IL1RAPL2: variants seen among roughly 807,000 people sequenced by gnomAD.
The protein encoded by IL1RAPL2 is X-linked interleukin-1 receptor accessory protein-like 2.
Under a neutral mutation model 44.1 loss-of-function variants are expected in IL1RAPL2, and 3 were observed. That is an observed-to-expected ratio of 0.07 (90% CI 0.03 to 0.18). The LOEUF is 0.18. IL1RAPL2 is among the 10% of genes least tolerant of loss of function. IL1RAPL2 has a pLI of 1.00. For missense variants in IL1RAPL2, 391 were observed against 496.4 expected, an observed-to-expected ratio of 0.79 and a Z score of 2.02; for synonymous variants, 181 against 178.8, an observed-to-expected ratio of 1.01 and a Z score of -0.10.
intron 1 of IL1RAPL2, among the ~76,000 whole-genome samples, chrX:104,650,640 A>T (rs1458127180): frequency 8.9e-6 from 1 of 111,916 alleles, no homozygotes; most frequent in Non-Finnish European, 1.9e-5. Flanking sequence ...AACATGCTAA[A>T]AAAAACCACT....
chrX:105,097,718 C>T (rs2032623439), intron 2 of IL1RAPL2, among the ~76,000 whole-genome samples: 1 of 111,132 alleles, frequency 9.0e-6, no homozygotes, highest in African/African-American at 3.3e-5. Flanking sequence ...GAAAAATATC[C>T]CATTTTTTAT....
At chrX:104,956,461 A>AGAGTGTGTGT (rs1556020852) in intron 2 of IL1RAPL2, among the ~76,000 whole-genome samples, 3 of 84,086 alleles carry the variant, frequency 3.6e-5, no homozygotes, top group African/African-American at 1.4e-4. Flanking sequence ...GTCTCTACTA[A>AGAGTGTGTGT]GTGTGTGTGT....
chrX:105,566,113 A>G (rs1021138399), intron 6 of IL1RAPL2, among the ~76,000 whole-genome samples: 7 of 111,459 alleles, frequency 6.3e-5, no homozygotes, highest in African/African-American at 2.3e-4. Flanking sequence ...CTTTATTTAC[A>G]GAAATCTCCT....
chrX:104,828,939 C>G (rs761899404), intron 2 of IL1RAPL2, among the ~76,000 whole-genome samples: 1 of 112,184 alleles, frequency 8.9e-6, no homozygotes, highest in Non-Finnish European at 1.9e-5. Context: ...TAGGGGAGAA[C>G]GGCCTACTCA....
chrX:105,012,594 C>T (rs2031069539), intron 2 of IL1RAPL2, among the ~76,000 whole-genome samples: 1 of 55,715 alleles, frequency 1.8e-5, no homozygotes, highest in Admixed American at 2.0e-4. Flanking sequence ...GGCTAACTTT[C>T]TCTTTCTCTC....
chrX:105,220,382 C>A (rs2033946965), intron 3 of IL1RAPL2: 1 of 1,189,947 alleles, frequency 8.4e-7, no homozygotes, highest in Non-Finnish European at 1.1e-6. Flanking sequence ...CTGGGGTCCT[C>A]AGGTCTCAAG....
At chrX:105,259,367 C>T (rs1023010729) in intron 4 of IL1RAPL2, among the ~76,000 whole-genome samples, 1 of 111,576 alleles carries the variant, frequency 9.0e-6, no homozygotes, top group Non-Finnish European at 1.9e-5. Context: ...CCTTTGAGTG[C>T]TGGCTGTAGA....
At chrX:104,944,206 A>G (rs758250149) in intron 2 of IL1RAPL2, among the ~76,000 whole-genome samples, 4 of 111,690 alleles carry the variant, frequency 3.6e-5, no homozygotes, top group African/African-American at 9.7e-5. Flanking sequence ...TTCTAAAAAC[A>G]TTTTGAATAT....
intron 5 of IL1RAPL2, among the ~76,000 whole-genome samples, chrX:105,382,957 T>C (rs1328880457): frequency 1.5e-5 from 1 of 67,422 alleles, no homozygotes; most frequent in South Asian, 1.3e-3. Flanking sequence ...CATCACACAC[T>C]GGGGCCTGTT....
chrX:104,836,200 C>T (rs183728868), intron 2 of IL1RAPL2, among the ~76,000 whole-genome samples: 14 of 110,349 alleles, frequency 1.3e-4, no homozygotes, highest in African/African-American at 3.3e-4. Flanking sequence ...TCTGTGGGAG[C>T]TAAAAATTGA....
At chrX:104,978,818 A>G (rs2030384258) in intron 2 of IL1RAPL2, among the ~76,000 whole-genome samples, 1 of 111,817 alleles carries the variant, frequency 8.9e-6, no homozygotes, top group South Asian at 3.7e-4. Flanking sequence ...GAAAAAATGT[A>G]TTTTTTATTT....
intron 2 of IL1RAPL2, among the ~76,000 whole-genome samples, chrX:104,734,690 C>A (rs1403952350): frequency 1.8e-5 from 2 of 111,613 alleles, no homozygotes; most frequent in Non-Finnish European, 3.8e-5. Flanking sequence ...GGTGATGGAA[C>A]TGTTCTGTAT....
chrX:105,675,543 C>T (rs1242681412), intron 6 of IL1RAPL2, among the ~76,000 whole-genome samples: 4 of 111,713 alleles, frequency 3.6e-5, no homozygotes, highest in African/African-American at 9.8e-5. Flanking sequence ...TTTCATGATG[C>T]GCTGCTGCAT....
chrX:104,692,666 A>G (rs1207354534), intron 2 of IL1RAPL2, among the ~76,000 whole-genome samples: 1 of 111,040 alleles, frequency 9.0e-6, no homozygotes, highest in Non-Finnish European at 1.9e-5. Context: ...CCTACAAAGG[A>G]CATGAACTCA....
intron 2 of IL1RAPL2, among the ~76,000 whole-genome samples, chrX:105,171,386 T>C (rs2033421901): frequency 9.0e-6 from 1 of 110,604 alleles, no homozygotes; most frequent in Non-Finnish European, 1.9e-5. Context: ...AGAATAGGAC[T>C]GTGGAAATCA....
At chrX:105,700,244 A>G (rs2038108882) in intron 6 of IL1RAPL2, among the ~76,000 whole-genome samples, 1 of 111,518 alleles carries the variant, frequency 9.0e-6, no homozygotes, top group Admixed American at 9.6e-5. Context: ...GGTGAAATCA[A>G]TTTCCTATAT....
At chrX:105,333,923 G>C (rs893041031) in intron 5 of IL1RAPL2, among the ~76,000 whole-genome samples, 2 of 111,814 alleles carry the variant, frequency 1.8e-5, no homozygotes, top group African/African-American at 6.5e-5. Context: ...ACTGTTGGTA[G>C]GAATGTAAAT....
At chrX:105,554,323 G>T (rs1384360) in intron 6 of IL1RAPL2, among the ~76,000 whole-genome samples, 49,765 of 110,979 alleles carry the variant, frequency 0.45, 10,061 homozygotes, top group African/African-American at 0.78. Context: ...TTTTCTTTTT[G>T]CTTTTTGCTT....
chrX:104,754,238 C>T (rs1364256257), intron 2 of IL1RAPL2, among the ~76,000 whole-genome samples: 1 of 111,320 alleles, frequency 9.0e-6, no homozygotes, highest in Non-Finnish European at 1.9e-5. Context: ...ATGATCATAG[C>T]GATTTTTAAA....
Sources: gnomAD v4.1 joint callset for allele counts (sites outside exome capture counted in the v4.1 genomes callset) on GRCh38, gnomAD v4.1.1 for gene constraint, MANE v1.5 for transcripts, NCBI Gene and HGNC (gene_info 2026-07-23, HGNC 2026-07-21) for gene names.